Variants in BTAF1 observed in about 807,000 individuals in gnomAD.
BTAF1 encodes the protein TATA-binding protein-associated factor 172.
In BTAF1, 38 loss-of-function variants were observed where a neutral mutation model predicts 227.1. The observed-to-expected ratio is 0.17, with a 90% CI of 0.13 to 0.22. The LOEUF (loss-of-function observed/expected upper bound fraction) is 0.22, where lower values mean the gene tolerates loss of function less well. Ranked by LOEUF, BTAF1 falls within the 10% of genes least tolerant of loss-of-function variation. The probability of loss-of-function intolerance (pLI) is 1.00; values close to 1 mark genes in which losing one functional copy is unlikely to be tolerated. For missense variants in BTAF1, 1,598 were observed against 2,204.0 expected (o/e 0.73, Z 5.51); for synonymous variants, 742 against 751.9 (o/e 0.99, Z 0.21).
intron 1 of BTAF1, among the ~76,000 whole-genome samples, chr10:91,929,359 C>G (rs528975727): frequency 4.7e-4 from 72 of 152,282 alleles, no homozygotes; most frequent in African/African-American, 1.3e-3. Flanking sequence ...CTAGACAGTA[C>G]TTATAATATG....
Position 91,991,791 on chromosome 10 carries a change from GTGTGTGTATATATATATA to G in BTAF1, c.2855-326_2855-309del, listed in dbSNP as rs1238210571. Reference sequence around the variant, plus strand: ...ATTATATATATGTGTGTGTGTGTGTGTGTGTGTATATATATATATATATATATATATATATATATATAC... The same window carrying G: ...ATTATATATATGTGTGTGTGTGTGTGTATATATATATATATATATATATAC... On this transcript the variant is annotated intron_variant, in intron 20 of 37. Coordinates refer to ENST00000265990, the MANE Select transcript of BTAF1 (RefSeq NM_003972.3). 3.7e-3 allele frequency among the ~76,000 whole-genome samples: 256 copies of G among 68,412 alleles called. 3 individuals are homozygous for G. Among genetic ancestry groups the G allele is most frequent in the South Asian group, 0.024 (75 of 3,096 alleles). The allele number at this position is 68,412 out of a possible 152,430, so 44.9% of individuals were successfully genotyped here.
At chr10:91,989,608 A>G (rs750958069) in intron 20 of BTAF1, 28 bp downstream of exon 20, 3 of 1,537,224 alleles carry the variant, frequency 2.0e-6, no homozygotes, top group Non-Finnish European at 1.7e-6. Context: ...TATTTGGGGT[A>G]GAGAAATAAC....
rs181214776 is a variant in BTAF1, at chr10:91,946,130, C to T, written c.400+3562C>T. ...GAAAAATACTGCTGGGAGGCAAAGG[C>T]GGGTGATCACCTGAGGTCAGGAGTT... On this transcript the variant is annotated intron_variant, in intron 4 of 37. Coordinates refer to ENST00000265990, the MANE Select transcript of BTAF1 (RefSeq NM_003972.3). Among the ~76,000 whole-genome samples, 592 of 152,216 alleles carry T rather than the reference C, an allele frequency of 3.9e-3. 3 individuals carry two copies. The highest frequency in any genetic ancestry group is 0.013 in the African/African-American group (529 of 41,534).
intron 32 of BTAF1, among the ~76,000 whole-genome samples, chr10:92,015,040 CTA>C (rs1401852915): frequency 6.6e-6 from 1 of 152,184 alleles, no homozygotes; most frequent in Non-Finnish European, 1.5e-5. Context: ...CAGTGCATGA[CTA>C]TGTATCAGAG....
intron 21 of BTAF1, 115 bp from the exon 22 acceptor site, chr10:91,993,579 G>C (rs1848946210): frequency 2.4e-6 from 2 of 830,176 alleles, no homozygotes; most frequent in Non-Finnish European, 3.4e-6. Context: ...TGCTTACTTG[G>C]TTAATGATAA....
At chr10:91,993,618 A>G in intron 21 of BTAF1, 76 bp from the exon 22 acceptor site, 1 of 1,163,810 alleles carries the variant, frequency 8.6e-7, no homozygotes, top group Non-Finnish European at 1.1e-6. Flanking sequence ...GGTGACTTTT[A>G]AATTCTTTTG....
intron 26 of BTAF1, among the ~76,000 whole-genome samples, chr10:92,008,494 C>T (rs752620468): frequency 4.1e-4 from 62 of 151,286 alleles, no homozygotes; most frequent in Non-Finnish European, 7.4e-4. Flanking sequence ...TACATGTGCA[C>T]CACTATGGCC....
intron 13 of BTAF1, among the ~76,000 whole-genome samples, chr10:91,966,140 A>G (rs1297770461): frequency 6.6e-6 from 1 of 152,228 alleles, no homozygotes; most frequent in Non-Finnish European, 1.5e-5. Flanking sequence ...CACCAGGATA[A>G]TAAATGTCAA....
At position 91,924,012 on chromosome 10, in the gene BTAF1, G is replaced by A. The variant is rs1843655961; in HGVS notation, c.-65G>A. On this transcript the variant is annotated 5_prime_UTR_variant, in exon 1 of 38. It introduces an in-frame stop codon into an upstream open reading frame of the 5' UTR. Coordinates refer to ENST00000265990, the MANE Select transcript of BTAF1 (RefSeq NM_003972.3). ...TGGGCCTGCGCCGCTCAGCTCTCTG[G>A]AAACTAGCGCCTCAGCTGCGCGGCG... 6.3e-7 allele frequency: 1 copy of A among 1,578,856 alleles called. No homozygotes were observed. Among genetic ancestry groups the A allele is most frequent in the Admixed American group, 1.9e-5 (1 of 53,318 alleles).
At chr10:91,940,546 C>T (rs528169662) in intron 3 of BTAF1, among the ~76,000 whole-genome samples, 1 of 152,086 alleles carries the variant, frequency 6.6e-6, no homozygotes, top group South Asian at 2.1e-4. Flanking sequence ...CCTGTAATGA[C>T]ATTTAAAAAC....
intron 1 of BTAF1, among the ~76,000 whole-genome samples, chr10:91,927,369 T>C (rs1236061336): frequency 6.6e-6 from 1 of 152,148 alleles, no homozygotes; most frequent in Non-Finnish European, 1.5e-5. Flanking sequence ...AACTCCTGAC[T>C]TCAGGCGATC....
In BTAF1 at chr10:91,996,441, C is replaced by A; in HGVS notation, c.3382C>A (p.Arg1128Ser). The stretch of plus-strand genomic sequence containing the variant: ...TACTGCAGTGAGGCACATGGCTGCT[C>A]GTTGTGTAGGTGTCATGAGCAAAAT... ...PSTAVRHMAA[R>S]CVGVMSKIAT... is the part of the protein sequence containing the mutation. The change falls in exon 24 of 38, where the codon CGT (arginine) becomes AGT (serine). Residue 1128 changes from arginine to serine, a missense_variant. Physicochemically the swap from Arg to Ser is moderately radical, Grantham distance 110. Transcript: ENST00000265990. The A allele has an allele frequency of 6.2e-7, 1 of 1,614,054 alleles. No individual in the cohort carries two copies. Among genetic ancestry groups the A allele is most frequent in the Non-Finnish European group, 8.5e-7 (1 of 1,179,996 alleles).
chr10:92,015,354 C>T (rs1850642282), intron 32 of BTAF1, among the ~76,000 whole-genome samples: 1 of 152,116 alleles, frequency 6.6e-6, no homozygotes. Flanking sequence ...TCACTACGGT[C>T]AAATGAATAA....
intron 24 of BTAF1, 21 bp downstream of exon 24, chr10:91,996,591 A>G (rs1157802478): frequency 1.2e-6 from 2 of 1,605,946 alleles, no homozygotes; most frequent in Non-Finnish European, 1.7e-6. Context: ...TCATTTGACA[A>G]ACTGTTCAGG....
chr10:92,009,009 T>G, intron 27 of BTAF1, 32 bp from the exon 28 acceptor site: 1 of 1,612,260 alleles, frequency 6.2e-7, no homozygotes, highest in Non-Finnish European at 8.5e-7. Flanking sequence ...GTAAACAAGC[T>G]GGTTAATTTA....
At chr10:91,990,595 G>C (rs920771268) in intron 20 of BTAF1, among the ~76,000 whole-genome samples, 4 of 151,744 alleles carry the variant, frequency 2.6e-5, no homozygotes, top group African/African-American at 9.7e-5. Context: ...GGGAGTTCAA[G>C]ACCAGCCTGA....
At position 92,028,640 on chromosome 10, in the gene BTAF1, G is replaced by A. The variant is rs972347505; in HGVS notation, c.5407-150G>A. 4.2e-6 allele frequency: 3 copies of A among 708,690 alleles called. No homozygotes were observed. The African/African-American group carries it at 5.6e-5, about 13-fold the overall frequency. The allele number at this position is 708,690 out of a possible 1,614,324, so 43.9% of individuals were successfully genotyped here. A position where few individuals can be genotyped will look rare whatever the true frequency, so the allele number is the denominator to read the frequency against. On this transcript the variant is annotated intron_variant, in intron 37 of 37. Transcript: ENST00000265990. ...CCAAATAAAAAACTGACAAATAAAT[G>A]TATTTGGAGATCATGAATTTCCCCA... is the stretch of plus-strand genomic sequence containing the variant.
At chr10:92,002,819 C>G (rs560152768) in intron 25 of BTAF1, among the ~76,000 whole-genome samples, 30 of 152,172 alleles carry the variant, frequency 2.0e-4, no homozygotes, top group African/African-American at 6.7e-4. Flanking sequence ...CAGTAGTTCT[C>G]AAATTTTTTG....
At chr10:92,005,581 A>G (rs948972317) in intron 25 of BTAF1, among the ~76,000 whole-genome samples, 6 of 151,882 alleles carry the variant, frequency 4.0e-5, no homozygotes, top group African/African-American at 1.5e-4. Flanking sequence ...TGCTATTGTA[A>G]ATGGGATTGT....
Sources: gnomAD v4.1 joint callset for allele counts (sites outside exome capture counted in the v4.1 genomes callset) on GRCh38, gnomAD v4.1.1 for gene constraint, MANE v1.5 for transcripts, NCBI Gene and HGNC (gene_info 2026-07-23, HGNC 2026-07-21) for gene names.